TRPM2: variants seen among roughly 807,000 people sequenced by gnomAD.
The protein encoded by TRPM2 is estrogen-responsive element-associated gene 1 protein.
In TRPM2, 161 loss-of-function variants were observed where a neutral mutation model predicts 174.0. The ratio of observed to expected loss-of-function variants is 0.93; its 90% CI spans 0.81 to 1.05. TRPM2 has a LOEUF of 1.05. Ranked by LOEUF, TRPM2 falls within the 50% of genes least tolerant of loss-of-function variation. The pLI is 0.00. For synonymous variants in TRPM2, 954 were observed against 861.3 expected, an observed-to-expected ratio of 1.11 and a Z score of -1.88; for missense variants, 2,057 against 2,038.0, an observed-to-expected ratio of 1.01 and a Z score of -0.18.
In TRPM2 at chr21:44,376,493, C is replaced by T. The variant is rs1006266165; in HGVS notation, c.952+480C>T. The stretch of plus-strand genomic sequence containing the variant: ...GAACTTCTGGGCTCAAGGGATCCTC[C>T]CATCACCCTCCCAAAGTGCTGGGAT... On this transcript the variant is annotated intron_variant, in intron 6 of 31. Transcript: ENST00000397928. The surrounding 1 kb of genome is among the most constrained non-coding windows in gnomAD (Gnocchi z 4.2). 3.3e-5 allele frequency among the ~76,000 whole-genome samples: 5 copies of T among 152,104 alleles called. No homozygotes were observed. The highest frequency in any genetic ancestry group is 1.2e-4 in the African/African-American group (5 of 41,416).
Position 44,406,764 on chromosome 21 carries a change from C to T in TRPM2, c.2961C>T (p.Asp987=), listed in dbSNP as rs147950813. 621 of 1,598,250 alleles carry T rather than the reference C, an allele frequency of 3.9e-4. 3 individuals are homozygous for T. The highest frequency in any genetic ancestry group is 1.8e-3 in the Middle Eastern group (8 of 4,418). ...TIFGQIPGYI[D]GVNFNPEHCS... Reference sequence around the variant, plus strand: ...TCGGGCAGATCCCGGGCTACATCGACGGTAGGAGCCGGGCGCCATGGGAGC... The same window carrying T: ...TCGGGCAGATCCCGGGCTACATCGATGGTAGGAGCCGGGCGCCATGGGAGC... The change falls in exon 19 of 32, where the codon GAC becomes GAT. Residue 987 remains aspartate, a splice_region_variant and synonymous_variant. Transcript: ENST00000397928.
chr21:44,437,298 G>A (rs901121393), intron 29 of TRPM2, 131 bp downstream of exon 29: 11 of 763,274 alleles, frequency 1.4e-5, no homozygotes, highest in South Asian at 6.6e-5. Context: ...GGGAGGGTTC[G>A]AGACCCCGCC....
In TRPM2 at chr21:44,425,725, G is replaced by A. The variant is rs763301534; in HGVS notation, c.3693G>A (p.Thr1231=). ...PDAEPGGRKK[T]EEPGDSYHVN... ...CTGAGCCGGGAGGCAGGAAGAAGACGGAGGAGCCGGGCGACAGCTACCACG... is the reference window on the plus strand; with the variant it reads ...CTGAGCCGGGAGGCAGGAAGAAGACAGAGGAGCCGGGCGACAGCTACCACG... The change falls in exon 25 of 32, where the codon ACG becomes ACA. Residue 1231 remains threonine (T), a synonymous_variant. Coordinates refer to ENST00000397928, the MANE Select transcript of TRPM2 (RefSeq NM_003307.4). 7.4e-5 allele frequency: 116 copies of A among 1,575,238 alleles called. No individual in the cohort carries two copies. Among genetic ancestry groups the A allele is most frequent in the Non-Finnish European group, 9.6e-5 (111 of 1,158,170 alleles).
At chr21:44,413,227 C>CTTTTT (rs958225632) in intron 19 of TRPM2, among the ~76,000 whole-genome samples, 15 of 116,238 alleles carry the variant, frequency 1.3e-4, no homozygotes, top group South Asian at 5.6e-4. Context: ...CTTTTCAATT[C>CTTTTT]TTTTTTTTTT....
At chr21:44,421,228 G>A (rs2050537670) in intron 22 of TRPM2, among the ~76,000 whole-genome samples, 1 of 152,084 alleles carries the variant, frequency 6.6e-6, no homozygotes, top group South Asian at 2.1e-4. Context: ...TGAGGCAGGA[G>A]AATCGCTTGA....
chr21:44,401,124 C>T (rs948810190), intron 15 of TRPM2, among the ~76,000 whole-genome samples: 3 of 152,178 alleles, frequency 2.0e-5, no homozygotes, highest in Non-Finnish European at 4.4e-5. Context: ...GCAGTGCTGG[C>T]TTCTCTCCTG....
At chr21:44,431,669 G>T (rs921943147) in intron 27 of TRPM2, among the ~76,000 whole-genome samples, 4 of 152,054 alleles carry the variant, frequency 2.6e-5, no homozygotes, top group South Asian at 2.1e-4. Flanking sequence ...GTAGAGATGG[G>T]GTTTCACCAT....
chr21:44,382,915 A>T, intron 9 of TRPM2, 95 bp downstream of exon 9: 4 of 1,265,912 alleles, frequency 3.2e-6, no homozygotes, highest in Non-Finnish European at 4.5e-6. Flanking sequence ...TGATTCTGGG[A>T]ACCAGAATAT....
chr21:44,388,123 A>G (rs1323289868), intron 9 of TRPM2, among the ~76,000 whole-genome samples: 1 of 152,228 alleles, frequency 6.6e-6, no homozygotes, highest in Non-Finnish European at 1.5e-5. Context: ...TAGCTGCATT[A>G]TCCACAATAG....
chr21:44,366,853 G>T lies in TRPM2; in HGVS notation c.523G>T (p.Gly175Trp), dbSNP rs751155396. Reference protein sequence around the residue: ...DVPNLLISVTGGAKNFNMKPR... With the variant: ...DVPNLLISVTWGAKNFNMKPR... ...CCCCAATCTCTTGATCTCGGTGACC[G>T]GGGGGGCCAAGAACTTCAACATGAA... The change falls in exon 4 of 32, where the codon GGG becomes TGG. Residue 175 changes from glycine (G) to tryptophan (W), a missense_variant. Transcript: ENST00000397928. The surrounding 1 kb of genome is among the most constrained non-coding windows in gnomAD (Gnocchi z 6.0). 1.2e-6 allele frequency: 2 copies of T among 1,611,860 alleles called. No homozygotes were observed. The highest frequency in any genetic ancestry group is 4.5e-5 in the East Asian group (2 of 44,760).
chr21:44,354,684 A>G lies in TRPM2; in HGVS notation c.202A>G (p.Lys68Glu), dbSNP rs1052396788. The change falls in exon 2 of 32, where the codon AAG becomes GAG. Residue 68 changes from lysine to glutamate, a missense_variant. Transcript: ENST00000397928. This position sits in a 1 kb window ranked among gnomAD's most constrained non-coding sequence, Gnocchi z 4.3. ...SLSSWIPENI[K>E]KKECVYFVES... ...CAGTTCGTGGATTCCTGAAAACATC[A>G]AGAAGAAAGAATGCGTGTATTTTGT... is the stretch of plus-strand genomic sequence containing the variant. 4 of 1,614,090 alleles carry G rather than the reference A, an allele frequency of 2.5e-6. No individual in the cohort carries two copies. The highest frequency in any genetic ancestry group is 1.3e-5 in the African/African-American group (1 of 74,944).
intron 7 of TRPM2, among the ~76,000 whole-genome samples, 195 bp downstream of exon 7, chr21:44,377,968 T>G (rs1018788270): frequency 4.6e-5 from 7 of 152,096 alleles, no homozygotes; most frequent in African/African-American, 1.7e-4. Flanking sequence ...CGGAGGAAGG[T>G]GCCTGGAGGA....
At chr21:44,372,481 C>T (rs941578389) in intron 5 of TRPM2, among the ~76,000 whole-genome samples, 23 of 152,174 alleles carry the variant, frequency 1.5e-4, no homozygotes, top group African/African-American at 4.8e-4. Flanking sequence ...GGTGACAGAG[C>T]GAGACACCGT....
Position 44,390,872 on chromosome 21 carries a change from T to C in TRPM2, c.1319-32T>C, listed in dbSNP as rs945791051. The C allele has an allele frequency of 2.5e-6, 4 of 1,613,102 alleles. No individual in the cohort carries two copies. In the African/African-American group the frequency reaches 5.3e-5, roughly 22 times the overall value. On this transcript the variant is annotated intron_variant, in intron 9 of 31. Coordinates refer to ENST00000397928, the MANE Select transcript of TRPM2 (RefSeq NM_003307.4). ...GAGGGAAATGGCTTTGAGCTCCAGA[T>C]CGAGGCCCAATATGCACCTGTTCAT...
At chr21:44,412,959 A>G (rs1320314100) in intron 19 of TRPM2, among the ~76,000 whole-genome samples, 1 of 152,164 alleles carries the variant, frequency 6.6e-6, no homozygotes, top group East Asian at 1.9e-4. Flanking sequence ...AAAATTCAAG[A>G]TAAGTATAAG....
At chr21:44,392,731 A>G (rs1373843001) in intron 11 of TRPM2, among the ~76,000 whole-genome samples, 2 of 152,176 alleles carry the variant, frequency 1.3e-5, no homozygotes, top group Non-Finnish European at 1.5e-5. Flanking sequence ...AGTTGCGTCC[A>G]TAACATACCC....
At chr21:44,364,926 C>T (rs905143517) in intron 3 of TRPM2, among the ~76,000 whole-genome samples, 2 of 152,204 alleles carry the variant, frequency 1.3e-5, no homozygotes, top group African/African-American at 4.8e-5. Context: ...ATTCTCAGGC[C>T]CCATCCCAGG....
rs2049904484 is a variant in TRPM2 at position 44,406,889 on chromosome 21, C to T, written c.2962+124C>T. On this transcript the variant is annotated intron_variant, in intron 19 of 31. Transcript: ENST00000397928. ...AGGGGGTCCTGCGGTTCCCACCTGG[C>T]CGGTGTCCTCCCTGGGGGCATTCAT... The T allele has an allele frequency of 3.2e-6, 4 of 1,265,834 alleles. No individual in the cohort carries two copies. The East Asian group carries it at 1.0e-4, about 32-fold the overall frequency. The allele number at this position is 1,265,834 out of a possible 1,614,324, so 78.4% of individuals were successfully genotyped here.
Position 44,391,560 on chromosome 21 carries a change from T to A in TRPM2, c.1729T>A (p.Tyr577Asn). The A allele has an allele frequency of 6.3e-7, 1 of 1,596,620 alleles. No individual in the cohort carries two copies. The highest frequency in any genetic ancestry group is 8.5e-7 in the Non-Finnish European group (1 of 1,176,808). ...ELLGDFTQPL[Y>N]PRPRHNDRLR... ...GCTGGGGGACTTCACGCAGCCGCTT[T>A]ATCCCCGGCCCCGGCACAACGACCG... Residue 577 changes from tyrosine (Y) to asparagine (N), a missense_variant, in exon 11 of 32, where the codon TAT becomes AAT. Transcript: ENST00000397928. This position sits in a 1 kb window ranked among gnomAD's most constrained non-coding sequence, Gnocchi z 5.0.
Sources: allele counts gnomAD v4.1 joint callset (sites outside exome capture counted in the v4.1 genomes callset), GRCh38; gene constraint gnomAD v4.1.1; non-coding constraint Gnocchi (gnomAD v3.1); transcripts MANE v1.5; gene names NCBI Gene and HGNC (gene_info 2026-07-23, HGNC 2026-07-21).